SHANK1: variants seen among roughly 807,000 people sequenced by gnomAD.
SHANK1 encodes the protein SH3 and multiple ankyrin repeat domains 1, also known as SH3 and multiple ankyrin repeat domains protein 1.
SHANK1 carries 35 observed loss-of-function variants against 165.6 expected under a neutral mutation model. The ratio of observed to expected loss-of-function variants is 0.21; its 90% CI spans 0.16 to 0.28. SHANK1 has a LOEUF of 0.28. SHANK1 is among the 10% of genes least tolerant of loss of function. The pLI is 1.00. For missense variants in SHANK1, 2,681 were observed against 3,036.4 expected (o/e 0.88, Z 2.75); for synonymous variants, 1,428 against 1,384.8 (o/e 1.03, Z -0.69).
chr19:50,662,860 C>T lies in SHANK1; in HGVS notation c.5769-178G>A, dbSNP rs1306040064. ...AGCAAGGGGTAAGACGGCCGGCCGT[C>T]GAGGAAAGAAATGAAGGGAGAGAAA... On this transcript the variant is annotated intron_variant, in intron 23 of 23. Coordinates refer to ENST00000293441, the MANE Select transcript of SHANK1 (RefSeq NM_016148.5). The surrounding 1 kb of genome is among the most constrained non-coding windows in gnomAD (Gnocchi z 7.7). Among the ~76,000 whole-genome samples, 1 of 150,560 alleles carries T rather than the reference C, an allele frequency of 6.6e-6. No homozygotes were observed. Among genetic ancestry groups the T allele is most frequent in the Non-Finnish European group, 1.5e-5 (1 of 67,764 alleles).
At chr19:50,709,683 G>T (rs1796598399) in intron 8 of SHANK1, among the ~76,000 whole-genome samples, 1 of 152,136 alleles carries the variant, frequency 6.6e-6, no homozygotes, top group African/African-American at 2.4e-5. Flanking sequence ...CCGAGCAGCT[G>T]GGACTTCAGG....
At position 50,697,455 on chromosome 19, in the gene SHANK1, A is replaced by T. The variant is rs990220531; in HGVS notation, c.1937+134T>A. The T allele has an allele frequency of 1.9e-5, 16 of 849,546 alleles. No homozygotes were observed. The highest frequency in any genetic ancestry group is 3.3e-5 in the African/African-American group (2 of 60,276). 52.6% of individuals were successfully genotyped at this position (849,546 alleles called of 1,614,324 possible). Reference sequence around the variant, plus strand: ...TACTGTCTGAAGCTAATTCTGGCTTATCCCACCCCTGGATCAAACTTGAGA... The same window carrying T: ...TACTGTCTGAAGCTAATTCTGGCTTTTCCCACCCCTGGATCAAACTTGAGA... On this transcript the variant is annotated intron_variant, in intron 14 of 23. Coordinates refer to ENST00000293441, the MANE Select transcript of SHANK1 (RefSeq NM_016148.5). The surrounding 1 kb of genome is among the most constrained non-coding windows in gnomAD (Gnocchi z 4.7).
Position 50,686,172 on chromosome 19 carries a change from A to G in SHANK1, c.2577+65T>C. On this transcript the variant is annotated intron_variant, in intron 21 of 23. Coordinates refer to ENST00000293441, the MANE Select transcript of SHANK1 (RefSeq NM_016148.5). This position sits in a 1 kb window ranked among gnomAD's most constrained non-coding sequence, Gnocchi z 5.7. Reference sequence around the variant, plus strand: ...CGTCAGGAGGGTTTTGGAAAGAGAAAGGCTCCAGGTTGGTGTGTGAACCGC... The same window carrying G: ...CGTCAGGAGGGTTTTGGAAAGAGAAGGGCTCCAGGTTGGTGTGTGAACCGC... The G allele has an allele frequency of 1.1e-6, 1 of 920,706 alleles. No homozygotes were observed. The highest frequency in any genetic ancestry group is 2.4e-5 in the Admixed American group (1 of 41,746). The allele number at this position is 920,706 out of a possible 1,614,324, so 57.0% of individuals were successfully genotyped here. A position where few individuals can be genotyped will look rare whatever the true frequency, so the allele number is the denominator to read the frequency against.
chr19:50,660,503 A>T lies in SHANK1; in HGVS notation c.*1462T>A, dbSNP rs1055188929. ...GAGAATCCGAATGAGAATGGCCGCAAGAGCTGCTTGTCAACAGGAATAAAA... is the reference window on the plus strand; with the variant it reads ...GAGAATCCGAATGAGAATGGCCGCATGAGCTGCTTGTCAACAGGAATAAAA... On this transcript the variant is annotated 3_prime_UTR_variant, in exon 24 of 24. Coordinates refer to ENST00000293441, the MANE Select transcript of SHANK1 (RefSeq NM_016148.5). Among the ~76,000 whole-genome samples, 54 of 152,174 alleles carry T rather than the reference A, an allele frequency of 3.5e-4. No homozygotes were observed. Among genetic ancestry groups the T allele is most frequent in the African/African-American group, 1.3e-3 (54 of 41,482 alleles).
chr19:50,668,090 C>G lies in SHANK1; in HGVS notation c.3870G>C (p.Glu1290Asp), dbSNP rs947873017. 3.6e-5 allele frequency: 53 copies of G among 1,481,176 alleles called. No homozygotes were observed. Among genetic ancestry groups the G allele is most frequent in the Non-Finnish European group, 4.6e-5 (52 of 1,121,140 alleles). 91.8% of individuals were successfully genotyped at this position (1,481,176 alleles called of 1,614,324 possible). The change falls in exon 23 of 24, where the codon GAG (glutamate) becomes GAC (aspartate). Residue 1290 changes from glutamate (E) to aspartate (D), a missense_variant. Around this residue, in one of 10 missense-constraint regions of SHANK1, gnomAD observed 1,713 missense variants for 1,630.2 expected, o/e 1.05. Transcript: ENST00000293441. ...GGTAGGGCTCGGCGGAGAACATGCC[C>G]TCGTCGATGGATTTGGAGTGGCGCA... ...PRLRHSKSID[E>D]GMFSAEPYLR...
rs757686048 is a variant in SHANK1, at chr19:50,666,418, G to A, written c.5542C>T (p.Pro1848Ser). 3 of 1,611,896 alleles carry A rather than the reference G, an allele frequency of 1.9e-6. No homozygotes were observed. Among genetic ancestry groups the A allele is most frequent in the Non-Finnish European group, 2.5e-6 (3 of 1,179,430 alleles). Residue 1848 changes from proline (P) to serine (S), a missense_variant, in exon 23 of 24, where the codon CCA (proline) becomes TCA (serine). Coordinates refer to ENST00000293441, the MANE Select transcript of SHANK1 (RefSeq NM_016148.5). ...GCCAAGGGCCCGGGCAGAGGTGGTG[G>A]CGGTGGGCCCGGGCCCTCCTCCCAG... is the stretch of plus-strand genomic sequence containing the variant. ...LPWEEGPGPPPPPLPGPLAQP... is the reference protein window; with the variant it reads ...LPWEEGPGPPSPPLPGPLAQP...
rs1985233068 is a variant in SHANK1, at chr19:50,661,737, C to G, written c.*228G>C. 1 of 460,210 alleles carries G rather than the reference C, an allele frequency of 2.2e-6. No individual in the cohort carries two copies. Among genetic ancestry groups the G allele is most frequent in the Non-Finnish European group, 3.7e-6 (1 of 271,150 alleles). The allele number at this position is 460,210 out of a possible 1,614,324, so 28.5% of individuals were successfully genotyped here. A position where few individuals can be genotyped will look rare whatever the true frequency, so the allele number is the denominator to read the frequency against. ...TCTCCTATCCCCCCTCCGCTCCCCG[C>G]TTCACACACACACACACACTCTTGT... is the stretch of plus-strand genomic sequence containing the variant. On this transcript the variant is annotated 3_prime_UTR_variant, in exon 24 of 24. Coordinates refer to ENST00000293441, the MANE Select transcript of SHANK1 (RefSeq NM_016148.5).
chr19:50,707,265 G>C (rs990886090), intron 8 of SHANK1, among the ~76,000 whole-genome samples: 3 of 152,192 alleles, frequency 2.0e-5, no homozygotes, highest in Non-Finnish European at 4.4e-5. Context: ...CCACCACCTG[G>C]ATTAATGCTG....
chr19:50,717,413 T>A lies in SHANK1; in HGVS notation c.-43-451A>T, dbSNP rs1462407694. On this transcript the variant is annotated intron_variant, in intron 1 of 23. Transcript: ENST00000293441. This position sits in a 1 kb window ranked among gnomAD's most constrained non-coding sequence, Gnocchi z 5.5. ...GGCCCCTCATCCCAGGGCCGGGGGGTGGGGTTGGGGAGAAGCTGAGGCTGA... is the reference window on the plus strand; with the variant it reads ...GGCCCCTCATCCCAGGGCCGGGGGGAGGGGTTGGGGAGAAGCTGAGGCTGA... Among the ~76,000 whole-genome samples the A allele has an allele frequency of 2.0e-5, 3 of 148,680 alleles. No individual in the cohort carries two copies. Among genetic ancestry groups the A allele is most frequent in the Non-Finnish European group, 4.5e-5 (3 of 67,228 alleles).
rs984170061 is a variant in SHANK1 at position 50,690,261 on chromosome 19, G to A, written c.1965-982C>T. Among the ~76,000 whole-genome samples the A allele has an allele frequency of 3.3e-5, 5 of 152,042 alleles. No homozygotes were observed. Among genetic ancestry groups the A allele is most frequent in the African/African-American group, 9.7e-5 (4 of 41,364 alleles). ...CATCAAATGCCACCAGCACATTTAGGTAAGGCTCACGTACCCAGGAAATGT... is the reference window on the plus strand; with the variant it reads ...CATCAAATGCCACCAGCACATTTAGATAAGGCTCACGTACCCAGGAAATGT... On this transcript the variant is annotated intron_variant, in intron 15 of 23. Coordinates refer to ENST00000293441, the MANE Select transcript of SHANK1 (RefSeq NM_016148.5). The surrounding 1 kb of genome is among the most constrained non-coding windows in gnomAD (Gnocchi z 4.9).
At chr19:50,700,686 A>G (rs1986889711) in intron 12 of SHANK1, among the ~76,000 whole-genome samples, 1 of 152,036 alleles carries the variant, frequency 6.6e-6, no homozygotes, top group Non-Finnish European at 1.5e-5. Flanking sequence ...ATAAAAACAG[A>G]AGGCAGTGTG....
In SHANK1 at chr19:50,701,444, C is replaced by T. The variant is rs572570215; in HGVS notation, c.1747+1023G>A. Among the ~76,000 whole-genome samples, 7 of 151,878 alleles carry T rather than the reference C, an allele frequency of 4.6e-5. No individual in the cohort carries two copies. The South Asian group carries it at 8.4e-4, about 18-fold the overall frequency. ...CTGATCTCAGGTGATCCACCCTCCTCGGCCTCCGAAAGTGCTGGGATTACA... is the reference window on the plus strand; with the variant it reads ...CTGATCTCAGGTGATCCACCCTCCTTGGCCTCCGAAAGTGCTGGGATTACA... On this transcript the variant is annotated intron_variant, in intron 12 of 23. Coordinates refer to ENST00000293441, the MANE Select transcript of SHANK1 (RefSeq NM_016148.5).
intron 12 of SHANK1, among the ~76,000 whole-genome samples, chr19:50,698,275 C>A (rs985755284): frequency 1.4e-4 from 22 of 152,098 alleles, no homozygotes; most frequent in African/African-American, 4.6e-4. Flanking sequence ...TTGTGTAATT[C>A]CCCTTCACCC....
chr19:50,712,353 A>C (rs1739355417), intron 6 of SHANK1, among the ~76,000 whole-genome samples: 1 of 152,018 alleles, frequency 6.6e-6, no homozygotes, highest in South Asian at 2.1e-4. Context: ...GGACACTTGC[A>C]CTCTGACATC....
chr19:50,711,700 G>T (rs893783527), intron 7 of SHANK1, among the ~76,000 whole-genome samples: 2 of 152,210 alleles, frequency 1.3e-5, no homozygotes, highest in Non-Finnish European at 2.9e-5. Context: ...CAGGCGTCTG[G>T]TCTGCCTCCT....
Position 50,665,456 on chromosome 19 carries a change from A to G in SHANK1, c.5768+736T>C, listed in dbSNP as rs1985443394. On this transcript the variant is annotated intron_variant, in intron 23 of 23. Coordinates refer to ENST00000293441, the MANE Select transcript of SHANK1 (RefSeq NM_016148.5). ...GTGGCGGGCACCTGTAATCGCAGCT[A>G]CTCAGGAGGCTGAGGCTGGAGAATC... 3.3e-5 allele frequency among the ~76,000 whole-genome samples: 5 copies of G among 150,448 alleles called. No homozygotes were observed. The Admixed American group carries it at 3.3e-4, about 10-fold the overall frequency.
chr19:50,697,100 C>G lies in SHANK1; in HGVS notation c.1960G>C (p.Gly654Arg), dbSNP rs1568439282. Residue 654 changes from glycine to arginine, a missense_variant, in exon 15 of 24, where the codon GGG becomes CGG. Gly to Arg is a moderately radical substitution (Grantham distance 125). Transcript: ENST00000293441. This position sits in a 1 kb window ranked among gnomAD's most constrained non-coding sequence, Gnocchi z 4.7. ...APSLMDGIGPGSDYIIKEKTV... is the reference protein window; with the variant it reads ...APSLMDGIGPRSDYIIKEKTV... ...TCCCTGCCCCTCGCCTCTCACCTCC[C>G]TGGGCCAATCCCATCCATTAAGCTT... 1 of 1,613,534 alleles carries G rather than the reference C, an allele frequency of 6.2e-7. No individual in the cohort carries two copies. The highest frequency in any genetic ancestry group is 1.7e-4 in the Middle Eastern group (1 of 6,060).
chr19:50,686,237 C>A lies in SHANK1; in HGVS notation c.2577G>T (p.Glu859Asp). 6.3e-7 allele frequency: 1 copy of A among 1,587,464 alleles called. No individual in the cohort carries two copies. Residue 859 changes from glutamate (E) to aspartate (D), a missense_variant and splice_region_variant, in exon 21 of 24, where the codon GAG becomes GAT. By Grantham distance (45) the Glu-to-Asp change is conservative. Transcript: ENST00000293441. This position sits in a 1 kb window ranked among gnomAD's most constrained non-coding sequence, Gnocchi z 5.7. ...KHRPKGFFAT[E>D]SSFDPHHRAQ... is the part of the protein sequence containing the mutation. ...TTCCTCCCCACACCAGGCCGCCTACCTCAGTGGCAAAGAAACCTTTGGGTC... is the reference window on the plus strand; with the variant it reads ...TTCCTCCCCACACCAGGCCGCCTACATCAGTGGCAAAGAAACCTTTGGGTC...
In SHANK1 at chr19:50,697,695, C is replaced by T; in HGVS notation, c.1862-31G>A. On this transcript the variant is annotated intron_variant, in intron 13 of 23. Coordinates refer to ENST00000293441, the MANE Select transcript of SHANK1 (RefSeq NM_016148.5). The surrounding 1 kb of genome is among the most constrained non-coding windows in gnomAD (Gnocchi z 4.7). ...GGGTGACAACAGACAACCTTGGACTCTTGTTTTGGAAACCACAATCCCAGC... is the reference window on the plus strand; with the variant it reads ...GGGTGACAACAGACAACCTTGGACTTTTGTTTTGGAAACCACAATCCCAGC... 2 of 1,608,488 alleles carry T rather than the reference C, an allele frequency of 1.2e-6. No homozygotes were observed. Among genetic ancestry groups the T allele is most frequent in the African/African-American group, 1.3e-5 (1 of 74,868 alleles).
Sources: allele counts gnomAD v4.1 joint callset (sites outside exome capture counted in the v4.1 genomes callset), GRCh38; gene constraint gnomAD v4.1.1; regional missense constraint gnomAD v4.1.1; non-coding constraint Gnocchi (gnomAD v3.1); transcripts MANE v1.5; gene names NCBI Gene and HGNC (gene_info 2026-07-23, HGNC 2026-07-21).